Variants in ATP1B3 observed in about 807,000 individuals in gnomAD.
ATP1B3 encodes the protein ATPase Na+/K+ transporting subunit beta 3, also known as sodium/potassium-transporting ATPase subunit beta-3.
Under a neutral mutation model 30.2 loss-of-function variants are expected in ATP1B3, and 10 were observed. That is an observed-to-expected ratio of 0.33 (90% CI 0.20 to 0.56). ATP1B3 has a LOEUF of 0.56. Ranked by LOEUF, ATP1B3 falls within the 20% of genes least tolerant of loss-of-function variation. The probability of loss-of-function intolerance (pLI) is 0.90; values close to 1 mark genes in which losing one functional copy is unlikely to be tolerated. For synonymous variants in ATP1B3, 113 were observed against 117.0 expected (o/e 0.97, Z 0.22); for missense variants, 238 against 336.7 (o/e 0.71, Z 2.29).
At chr3:141,922,365 A>C (rs1934577828) in intron 6 of ATP1B3, among the ~76,000 whole-genome samples, 1 of 152,136 alleles carries the variant, frequency 6.6e-6, no homozygotes, top group African/African-American at 2.4e-5. Context: ...TTAAAAAGAA[A>C]ATCAAGGCCG....
In ATP1B3 at chr3:141,920,820, G is replaced by A. The variant is rs763736814; in HGVS notation, c.583-1157G>A. Among the ~76,000 whole-genome samples the A allele has an allele frequency of 4.6e-5, 7 of 152,224 alleles. No homozygotes were observed. In the South Asian group the frequency reaches 6.2e-4, roughly 14 times the overall value. ...AATGGCTTTTGCGATTTCTCCTAGC[G>A]TTGTTACTTCCTACCCTTTCCACAT... On this transcript the variant is annotated intron_variant, in intron 5 of 6. Coordinates refer to ENST00000286371, the MANE Select transcript of ATP1B3 (RefSeq NM_001679.4).
At chr3:141,887,450 T>C (rs1418337971) in intron 1 of ATP1B3, among the ~76,000 whole-genome samples, 2 of 152,188 alleles carry the variant, frequency 1.3e-5, no homozygotes, top group Non-Finnish European at 2.9e-5. Context: ...CCGTTAAGTG[T>C]GTAAATGCTT....
intron 5 of ATP1B3, chr3:141,921,756 G>A (rs1934567376): frequency 2.8e-6 from 1 of 361,030 alleles, no homozygotes; most frequent in Non-Finnish European, 5.0e-6. Flanking sequence ...ATCTGGAAGT[G>A]TAAGTATCAG....
intron 5 of ATP1B3, chr3:141,921,725 A>G (rs902870814): frequency 8.7e-6 from 2 of 229,996 alleles, no homozygotes; most frequent in Admixed American, 7.1e-5. Flanking sequence ...AGGGACTCTC[A>G]TGAAAGAGAG....
chr3:141,890,518 G>A (rs1228832385), intron 1 of ATP1B3, among the ~76,000 whole-genome samples: 1 of 151,784 alleles, frequency 6.6e-6, no homozygotes, highest in African/African-American at 2.4e-5. Flanking sequence ...GGCCAGGCTG[G>A]TCTCGAACTC....
intron 1 of ATP1B3, among the ~76,000 whole-genome samples, chr3:141,887,350 T>G (rs1933855993): frequency 1.3e-5 from 2 of 152,210 alleles, no homozygotes; most frequent in African/African-American, 4.8e-5. Flanking sequence ...TGTTCTTTTC[T>G]TATAACAAAA....
At chr3:141,923,134 C>T (rs149493666) in intron 6 of ATP1B3, among the ~76,000 whole-genome samples, 31 of 151,694 alleles carry the variant, frequency 2.0e-4, no homozygotes, top group African/African-American at 6.0e-4. Flanking sequence ...AAAAATTAGC[C>T]GGGCATAGTG....
intron 1 of ATP1B3, among the ~76,000 whole-genome samples, chr3:141,887,521 T>C (rs777679872): frequency 1.8e-4 from 28 of 152,188 alleles, no homozygotes; most frequent in Admixed American, 1.4e-3. Context: ...AAGGTAAATA[T>C]ATACCCACCC....
intron 3 of ATP1B3, among the ~76,000 whole-genome samples, chr3:141,908,531 A>G (rs1934303824): frequency 6.6e-6 from 1 of 152,078 alleles, no homozygotes; most frequent in Non-Finnish European, 1.5e-5. Flanking sequence ...TCTTCATGTC[A>G]CACCCTGTGG....
At position 141,903,757 on chromosome 3, in the gene ATP1B3, C is replaced by T. The variant is rs781020262; in HGVS notation, c.238+9C>T. On this transcript the variant is annotated intron_variant, in intron 2 of 6. Transcript: ENST00000286371. The stretch of plus-strand genomic sequence containing the variant: ...CCAGATTCCTAGCCCAGGTAATTAT[C>T]TTGCAGTTATGACTTTGTTTTTTGT... 13 of 1,611,284 alleles carry T rather than the reference C, an allele frequency of 8.1e-6. No individual in the cohort carries two copies. The highest frequency in any genetic ancestry group is 4.5e-5 in the East Asian group (2 of 44,808).
intron 1 of ATP1B3, among the ~76,000 whole-genome samples, chr3:141,892,462 A>C (rs1210002443): frequency 2.0e-5 from 3 of 152,078 alleles, no homozygotes; most frequent in African/African-American, 7.2e-5. Context: ...CTTTTAAATT[A>C]TTCCTGCCAT....
At chr3:141,925,509 T>C (rs748940531) in intron 6 of ATP1B3, 22 bp from the exon 7 acceptor site, 3 of 1,579,686 alleles carry the variant, frequency 1.9e-6, no homozygotes, top group Non-Finnish European at 2.6e-6. Context: ...TTTGAATTAA[T>C]ATATTTTCCT....
At chr3:141,920,765 A>C (rs762692522) in intron 5 of ATP1B3, among the ~76,000 whole-genome samples, 16 of 152,176 alleles carry the variant, frequency 1.1e-4, no homozygotes, top group Non-Finnish European at 2.1e-4. Context: ...AAGAGTACAA[A>C]TGTAGGGTGG....
intron 6 of ATP1B3, among the ~76,000 whole-genome samples, chr3:141,923,053 A>T (rs970508971): frequency 1.3e-5 from 2 of 152,026 alleles, no homozygotes; most frequent in African/African-American, 2.4e-5. Flanking sequence ...CGAGGCGGGC[A>T]GATCACCTGA....
At position 141,925,810 on chromosome 3, in the gene ATP1B3, G is replaced by A; in HGVS notation, c.*109G>A. On this transcript the variant is annotated 3_prime_UTR_variant, in exon 7 of 7. Coordinates refer to ENST00000286371, the MANE Select transcript of ATP1B3 (RefSeq NM_001679.4). ...GAGACCACCTTGGAGAAAGGTGTGT[G>A]GTACATGACATTGGGTTACATCATA... 1 of 1,328,656 alleles carries A rather than the reference G, an allele frequency of 7.5e-7. No individual in the cohort carries two copies. Among genetic ancestry groups the A allele is most frequent in the East Asian group, 2.3e-5 (1 of 43,206 alleles). 82.3% of individuals were successfully genotyped at this position (1,328,656 alleles called of 1,614,324 possible). A position where few individuals can be genotyped will look rare whatever the true frequency, so the allele number is the denominator to read the frequency against.
At chr3:141,915,192 C>A (rs2107777355) in intron 4 of ATP1B3, among the ~76,000 whole-genome samples, 2 of 152,212 alleles carry the variant, frequency 1.3e-5, no homozygotes, top group Admixed American at 1.3e-4. Flanking sequence ...TGAGACCATG[C>A]TTGCTGATGA....
At chr3:141,902,040 T>A (rs1420298982) in intron 1 of ATP1B3, 4 of 918,442 alleles carry the variant, frequency 4.4e-6, no homozygotes, top group African/African-American at 3.4e-5. Flanking sequence ...CTTCTGTATC[T>A]TATTAAACTG....
chr3:141,908,735 C>T (rs977657156), intron 3 of ATP1B3, among the ~76,000 whole-genome samples: 2 of 152,200 alleles, frequency 1.3e-5, no homozygotes, highest in Non-Finnish European at 2.9e-5. Flanking sequence ...GGATTATTTC[C>T]AACTTTCACT....
At chr3:141,910,346 T>C (rs957703689) in intron 3 of ATP1B3, among the ~76,000 whole-genome samples, 3 of 152,156 alleles carry the variant, frequency 2.0e-5, no homozygotes, top group Non-Finnish European at 4.4e-5. Context: ...TTCTTCCATA[T>C]CTATAAATAT....
Sources: allele counts gnomAD v4.1 joint callset (sites outside exome capture counted in the v4.1 genomes callset), GRCh38; gene constraint gnomAD v4.1.1; transcripts MANE v1.5; gene names NCBI Gene and HGNC (gene_info 2026-07-23, HGNC 2026-07-21).